The following MED27 variants were observed in gnomAD, a reference collection of about 807,000 sequenced individuals.
The protein encoded by MED27 is mediator complex subunit 27.
MED27 carries 30 observed loss-of-function variants against 38.2 expected under a neutral mutation model. That is an observed-to-expected ratio of 0.79 (90% CI 0.59 to 1.07). The LOEUF is 1.07. Among genes scored for constraint, MED27 ranks in the 50% least tolerant of loss-of-function variants. MED27 has a pLI of 0.00. For synonymous variants in MED27, 122 were observed against 153.5 expected (o/e 0.79, Z 1.52); for missense variants, 289 against 397.5 (o/e 0.73, Z 2.32).
rs1478684500 is a variant in MED27, at chr9:131,860,783, G to C, written c.802-111C>G. On this transcript the variant is annotated intron_variant, in intron 7 of 7. Transcript: ENST00000292035. The surrounding 1 kb of genome is among the most constrained non-coding windows in gnomAD (Gnocchi z 5.8). ...ACAACTTAAGTTGGCTTTGGCCCCA[G>C]AAGATGCCCTGTGATTTCACAGGGA... 8.1e-7 allele frequency: 1 copy of C among 1,240,818 alleles called. No individual in the cohort carries two copies. The highest frequency in any genetic ancestry group is 1.1e-6 in the Non-Finnish European group (1 of 887,674). 76.9% of individuals were successfully genotyped at this position (1,240,818 alleles called of 1,614,324 possible).
At chr9:131,927,214 A>G (rs1490438615) in intron 4 of MED27, among the ~76,000 whole-genome samples, 5 of 152,238 alleles carry the variant, frequency 3.3e-5, no homozygotes, top group Non-Finnish European at 5.9e-5. Flanking sequence ...CAGCCCCGAA[A>G]CAGAGCAGAC....
At chr9:132,000,392 C>A (rs978141057) in intron 3 of MED27, among the ~76,000 whole-genome samples, 1 of 152,062 alleles carries the variant, frequency 6.6e-6, no homozygotes, top group Admixed American at 6.5e-5. Flanking sequence ...AACTCTCATA[C>A]CCTGCTGGTG....
intron 4 of MED27, among the ~76,000 whole-genome samples, chr9:131,897,607 A>AT (rs1209751457): frequency 6.6e-6 from 1 of 152,208 alleles, no homozygotes; most frequent in African/African-American, 2.4e-5. Context: ...CATGGCTGTT[A>AT]TTTGTTTCAG....
intron 2 of MED27, among the ~76,000 whole-genome samples, chr9:132,047,180 T>A (rs761096453): frequency 3.3e-5 from 5 of 152,076 alleles, no homozygotes; most frequent in African/African-American, 4.8e-5. Context: ...TGCACCTCAG[T>A]TCAGTATTAC....
chr9:132,050,580 G>C (rs983350800), intron 2 of MED27, among the ~76,000 whole-genome samples: 9 of 152,218 alleles, frequency 5.9e-5, no homozygotes, highest in African/African-American at 2.2e-4. Context: ...TAGATATCAA[G>C]AGCCCCTTTT....
At chr9:131,879,316 T>TG (rs1838994527) in intron 6 of MED27, among the ~76,000 whole-genome samples, 1 of 151,112 alleles carries the variant, frequency 6.6e-6, no homozygotes, top group Admixed American at 6.6e-5. Context: ...TGGGCACGGG[T>TG]GGGGGGCGTG....
chr9:132,053,097 C>CA (rs1833499815), intron 2 of MED27, among the ~76,000 whole-genome samples: 1 of 151,908 alleles, frequency 6.6e-6, no homozygotes, highest in African/African-American at 2.4e-5. Flanking sequence ...ACTAAAAATA[C>CA]AAAAAATTAG....
At chr9:131,995,673 A>G (rs1832076143) in intron 3 of MED27, among the ~76,000 whole-genome samples, 1 of 152,118 alleles carries the variant, frequency 6.6e-6, no homozygotes, top group African/African-American at 2.4e-5. Flanking sequence ...ATATCAAATC[A>G]AGGAAACCCC....
At chr9:131,966,002 T>C (rs1383465295) in intron 3 of MED27, among the ~76,000 whole-genome samples, 3 of 150,488 alleles carry the variant, frequency 2.0e-5, no homozygotes, top group Non-Finnish European at 4.4e-5. Context: ...GAGTCTTTAG[T>C]GCTCGCAACC....
At chr9:132,010,305 A>G (rs1030829595) in intron 3 of MED27, among the ~76,000 whole-genome samples, 3 of 152,266 alleles carry the variant, frequency 2.0e-5, no homozygotes, top group African/African-American at 7.2e-5. Context: ...TGGCCATCAG[A>G]GAAATGCAAA....
chr9:132,052,166 G>A (rs1265688168), intron 2 of MED27, among the ~76,000 whole-genome samples: 1 of 152,122 alleles, frequency 6.6e-6, no homozygotes, highest in African/African-American at 2.4e-5. Flanking sequence ...GGGTCTCCTG[G>A]CTCTGACAAG....
intron 2 of MED27, among the ~76,000 whole-genome samples, chr9:132,017,876 G>C (rs58371030): frequency 2.0e-5 from 3 of 152,132 alleles, no homozygotes; most frequent in Non-Finnish European, 4.4e-5. Context: ...AATGGTCTGA[G>C]GAAAGACCAA....
At chr9:132,047,036 C>T (rs1833355009) in intron 2 of MED27, among the ~76,000 whole-genome samples, 1 of 152,062 alleles carries the variant, frequency 6.6e-6, no homozygotes, top group Non-Finnish European at 1.5e-5. Context: ...ATAGGTTTCA[C>T]CTTAGAGAGC....
chr9:131,926,879 A>G (rs1465559473), intron 4 of MED27, among the ~76,000 whole-genome samples: 1 of 152,258 alleles, frequency 6.6e-6, no homozygotes, highest in Non-Finnish European at 1.5e-5. Context: ...AATAAACATG[A>G]TAAAATACCA....
intron 6 of MED27, among the ~76,000 whole-genome samples, chr9:131,882,312 C>G (rs936590839): frequency 6.6e-6 from 1 of 152,148 alleles, no homozygotes; most frequent in Non-Finnish European, 1.5e-5. Context: ...CCACTAAGTC[C>G]TATGCTCACT....
chr9:132,034,098 G>T (rs912317219), intron 2 of MED27, among the ~76,000 whole-genome samples: 1 of 152,150 alleles, frequency 6.6e-6, no homozygotes, highest in African/African-American at 2.4e-5. Flanking sequence ...CATGAGTACC[G>T]CTGCAATCTT....
At chr9:132,011,844 C>T (rs745823284) in intron 3 of MED27, among the ~76,000 whole-genome samples, 2 of 152,122 alleles carry the variant, frequency 1.3e-5, no homozygotes, top group Non-Finnish European at 2.9e-5. Flanking sequence ...TATAGGAAAT[C>T]ATTTCTATGT....
rs549452036 is a variant in MED27 at position 132,006,621 on chromosome 9, C to G, written c.479+7716G>C. On this transcript the variant is annotated intron_variant, in intron 3 of 7. Transcript: ENST00000292035. ...GTTTTTGTAATCGAACTGCAGAAAC[C>G]TGGAGTTTTATACCTGTATGGCAGA... Among the ~76,000 whole-genome samples, 58 of 151,838 alleles carry G rather than the reference C, an allele frequency of 3.8e-4. 1 individual carries two copies. In the South Asian group the frequency reaches 0.011, roughly 28 times the overall value.
At chr9:131,978,680 C>T (rs1831662824) in intron 3 of MED27, among the ~76,000 whole-genome samples, 1 of 152,026 alleles carries the variant, frequency 6.6e-6, no homozygotes, top group Non-Finnish European at 1.5e-5. Context: ...AAAACAACAA[C>T]AACAACAAAA....
Sources: allele counts gnomAD v4.1 joint callset (sites outside exome capture counted in the v4.1 genomes callset), GRCh38; gene constraint gnomAD v4.1.1; non-coding constraint Gnocchi (gnomAD v3.1); transcripts MANE v1.5; gene names NCBI Gene and HGNC (gene_info 2026-07-23, HGNC 2026-07-21).